Variants in RTN4 observed in about 807,000 individuals in gnomAD.
The protein encoded by RTN4 is reticulon 4.
A neutral mutation model predicts 90.4 loss-of-function variants in RTN4; 32 were observed. The ratio of observed to expected loss-of-function variants is 0.35; its 90% CI spans 0.27 to 0.48. RTN4 has a LOEUF of 0.48. Among genes scored for constraint, RTN4 ranks in the 20% least tolerant of loss-of-function variants. RTN4 has a pLI of 0.99. For synonymous variants in RTN4, 629 were observed against 552.5 expected (o/e 1.14, Z -1.94); for missense variants, 1,706 against 1,430.2 (o/e 1.19, Z -3.11).
intron 3 of RTN4, among the ~76,000 whole-genome samples, chr2:54,994,605 C>A (rs1381745007): frequency 1.3e-5 from 2 of 152,152 alleles, no homozygotes; most frequent in Non-Finnish European, 2.9e-5. Flanking sequence ...TCTACAAAAA[C>A]CCACAGCTAA....
chr2:55,118,756 C>G, the RTN4 span, among the ~76,000 whole-genome samples: 1 of 152,166 alleles, frequency 6.6e-6, no homozygotes, highest in African/African-American at 2.4e-5. Flanking sequence ...GCTCATGGAA[C>G]CCTGAAAAGA....
the RTN4 span, among the ~76,000 whole-genome samples, chr2:55,130,480 T>C: frequency 4.6e-5 from 7 of 152,304 alleles, no homozygotes; most frequent in East Asian, 1.3e-3. Flanking sequence ...CTGGGTGTGG[T>C]GGCTCACGCC....
At chr2:55,054,156 T>G (rs547221336), upstream of RTN4, among the ~76,000 whole-genome samples, 1 of 152,278 alleles carries the variant, frequency 6.6e-6, no homozygotes, top group South Asian at 2.1e-4. Context: ...GATGTTTCAG[T>G]CTCTTTTAAA....
intron 1 of RTN4, among the ~76,000 whole-genome samples, chr2:55,085,233 A>G (rs1168724067): frequency 6.6e-6 from 1 of 152,168 alleles, no homozygotes; most frequent in Non-Finnish European, 1.5e-5. Context: ...CACACATCCT[A>G]TTGGTTCTGT....
At chr2:55,048,997 A>C in intron 1 of RTN4, 1 of 571,824 alleles carries the variant, frequency 1.7e-6, no homozygotes, top group African/African-American at 2.0e-5. Context: ...CAATGCCTAG[A>C]TCCCCTTTCC....
Position 55,025,735 on chromosome 2 carries a change from G to C in RTN4, c.2364C>G (p.Leu788=), listed in dbSNP as rs1182507581. The C allele has an allele frequency of 6.2e-7, 1 of 1,613,538 alleles. No homozygotes were observed. Among genetic ancestry groups the C allele is most frequent in the Non-Finnish European group, 8.5e-7 (1 of 1,179,802 alleles). ...TTCCTCCCTCAGGTGGCAAAGCACT[G>C]AGTTTTTCCTTATTTTCATATTCTA... is the stretch of plus-strand genomic sequence containing the variant. ...SMIEYENKEK[L]SALPPEGGKP... is the part of the protein sequence containing the mutation. Residue 788 remains leucine (L), a synonymous_variant, in exon 3 of 9, where the codon CTC becomes CTG. Transcript: ENST00000337526.
chr2:55,133,229 A>G, the RTN4 span, among the ~76,000 whole-genome samples: 2 of 152,204 alleles, frequency 1.3e-5, no homozygotes. Flanking sequence ...AAAACTAAAA[A>G]TAAAAAAATT....
Position 55,026,084 on chromosome 2 carries a change from C to G in RTN4, c.2015G>C (p.Gly672Ala). The change falls in exon 3 of 9, where the codon GGA becomes GCA. Residue 672 changes from glycine to alanine, a missense_variant. Physicochemically the swap from Gly to Ala is moderately conservative, Grantham distance 60. Coordinates refer to ENST00000337526, the MANE Select transcript of RTN4 (RefSeq NM_020532.5). ...AGGCTCTTTAATTTCTTCCTTTATT[C>G]CTGATACTTTTTTTAGTGATACACT... The part of the protein sequence containing the change: ...AMSVSLKKVS[G>A]IKEEIKEPEN... 1.2e-6 allele frequency: 2 copies of G among 1,611,262 alleles called. No homozygotes were observed. Among genetic ancestry groups the G allele is most frequent in the Non-Finnish European group, 1.7e-6 (2 of 1,179,358 alleles).
chr2:55,074,078 T>C (rs1668560087), intron 2 of RTN4, among the ~76,000 whole-genome samples: 1 of 152,242 alleles, frequency 6.6e-6, no homozygotes, highest in South Asian at 2.1e-4. Flanking sequence ...ACTCTTGTCA[T>C]AAATTTCAGG....
chr2:54,974,657 T>A (rs1310589998), intron 6 of RTN4, 38 bp downstream of exon 6: 1 of 1,459,786 alleles, frequency 6.9e-7, no homozygotes, highest in Non-Finnish European at 9.6e-7. Flanking sequence ...ACACAATCTT[T>A]CCAGCAATTT....
the RTN4 span, among the ~76,000 whole-genome samples, chr2:55,123,669 T>A: frequency 6.6e-6 from 1 of 152,008 alleles, no homozygotes; most frequent in Admixed American, 6.6e-5. Context: ...TATTATATTA[T>A]ACCATATGAC....
intron 3 of RTN4, among the ~76,000 whole-genome samples, chr2:55,003,919 G>A (rs758675106): frequency 1.3e-5 from 2 of 152,108 alleles, no homozygotes; most frequent in Admixed American, 6.5e-5. Flanking sequence ...AGGGGGACGC[G>A]GGGTGGAGGG....
chr2:55,086,905 C>T (rs1383627356), intron 1 of RTN4, among the ~76,000 whole-genome samples: 3 of 148,928 alleles, frequency 2.0e-5, no homozygotes, highest in Non-Finnish European at 4.4e-5. Flanking sequence ...AGCGATCCTT[C>T]TGCCTGAGCC....
chr2:55,044,184 G>C (rs1168154317), intron 1 of RTN4, among the ~76,000 whole-genome samples: 2 of 152,114 alleles, frequency 1.3e-5, no homozygotes, highest in African/African-American at 2.4e-5. Context: ...GAAAGAGCAA[G>C]ACCCTGTCTC....
At chr2:55,007,968 T>C (rs1036277456) in intron 3 of RTN4, among the ~76,000 whole-genome samples, 3 of 152,128 alleles carry the variant, frequency 2.0e-5, no homozygotes, top group African/African-American at 4.8e-5. Flanking sequence ...TAAAAATCTT[T>C]TGACTACCTT....
rs770518959 is a variant in RTN4 at position 55,050,310 on chromosome 2, G to A, written c.-10C>T. On this transcript the variant is annotated 5_prime_UTR_variant, in exon 1 of 9. Transcript: ENST00000337526. This position sits in a 1 kb window ranked among gnomAD's most constrained non-coding sequence, Gnocchi z 4.6. The stretch of plus-strand genomic sequence containing the variant: ...GGTCCAGGTCTTCCATGGCTGGAGG[G>A]TGGAGATGATGCTGCAGCTGCTGCC... 2.1e-6 allele frequency: 3 copies of A among 1,406,952 alleles called. No individual in the cohort carries two copies. The Admixed American group carries it at 8.7e-5, about 41-fold the overall frequency. 87.2% of individuals were successfully genotyped at this position (1,406,952 alleles called of 1,614,324 possible). A position where few individuals can be genotyped will look rare whatever the true frequency, so the allele number is the denominator to read the frequency against.
At chr2:55,017,745 T>A (rs1380666252) in intron 3 of RTN4, among the ~76,000 whole-genome samples, 3 of 152,178 alleles carry the variant, frequency 2.0e-5, no homozygotes, top group African/African-American at 4.8e-5. Flanking sequence ...AGTCTCCACA[T>A]ACTAGCAACA....
chr2:55,039,402 CTATTGTAA>C (rs1397070753), intron 1 of RTN4, among the ~76,000 whole-genome samples: 11 of 152,090 alleles, frequency 7.2e-5, no homozygotes, highest in Admixed American at 5.9e-4. Context: ...TCAAATTGAT[CTATTGTAA>C]TATGTGGACC....
chr2:55,028,813 T>G (rs1222722178), intron 1 of RTN4, among the ~76,000 whole-genome samples: 2 of 152,060 alleles, frequency 1.3e-5, no homozygotes, highest in African/African-American at 4.8e-5. Context: ...TAACTGCCTT[T>G]AGGATGACAC....
Sources: allele counts gnomAD v4.1 joint callset (sites outside exome capture counted in the v4.1 genomes callset), GRCh38; gene constraint gnomAD v4.1.1; non-coding constraint Gnocchi (gnomAD v3.1); transcripts MANE v1.5; gene names NCBI Gene and HGNC (gene_info 2026-07-23, HGNC 2026-07-21).